SH3KBP1: variants seen among roughly 807,000 people sequenced by gnomAD.
SH3KBP1 encodes SH3 domain containing kinase binding protein 1, also known as SH3 domain-containing kinase-binding protein 1.
In SH3KBP1, 8 loss-of-function variants were observed where a neutral mutation model predicts 50.1. The ratio of observed to expected loss-of-function variants is 0.16; its 90% CI spans 0.09 to 0.29. SH3KBP1 has a LOEUF of 0.29. Ranked by LOEUF, SH3KBP1 falls within the 10% of genes least tolerant of loss-of-function variation. The pLI, the probability that SH3KBP1 is intolerant of heterozygous loss-of-function variation, is 1.00. For missense variants in SH3KBP1, 377 were observed against 535.2 expected, an observed-to-expected ratio of 0.70 and a Z score of 2.92; for synonymous variants, 227 against 218.6, an observed-to-expected ratio of 1.04 and a Z score of -0.34.
chrX:19,723,537 C>T (rs1351067034), intron 3 of SH3KBP1, among the ~76,000 whole-genome samples: 1 of 112,112 alleles, frequency 8.9e-6, no homozygotes, highest in Non-Finnish European at 1.9e-5. Context: ...TCTTTATGAT[C>T]AAATGACTAT....
At chrX:19,556,915 T>A (rs2065507769) in intron 13 of SH3KBP1, among the ~76,000 whole-genome samples, 1 of 111,743 alleles carries the variant, frequency 8.9e-6, no homozygotes, top group African/African-American at 3.3e-5. Context: ...CAAGCAATCC[T>A]CCTGCCTCAG....
chrX:19,704,364 C>G (rs773333589), intron 4 of SH3KBP1, among the ~76,000 whole-genome samples: 1 of 112,224 alleles, frequency 8.9e-6, no homozygotes, highest in African/African-American at 3.2e-5. Flanking sequence ...AATAGGCAGG[C>G]AAAAGTGGGC....
intron 7 of SH3KBP1, among the ~76,000 whole-genome samples, chrX:19,643,354 C>T (rs1304842928): frequency 1.2e-5 from 1 of 85,077 alleles, no homozygotes; most frequent in East Asian, 3.5e-4. Flanking sequence ...GGGTCTCACT[C>T]TGCCACCCTG....
intron 11 of SH3KBP1, among the ~76,000 whole-genome samples, chrX:19,589,147 T>C (rs1421915643): frequency 8.9e-6 from 1 of 112,761 alleles, no homozygotes; most frequent in Admixed American, 9.3e-5. Context: ...ACTTCCTTCC[T>C]TCCTCACCTG....
chrX:19,843,805 A>C lies in SH3KBP1; in HGVS notation c.5-7523T>G, dbSNP rs899747505. On this transcript the variant is annotated intron_variant, in intron 1 of 17. Transcript: ENST00000397821. The stretch of plus-strand genomic sequence containing the variant: ...GCAGAAAAGAGATGAATCAAGAAAG[A>C]AGAGAAAAAACAAACCCGGCTGTGT... Among the ~76,000 whole-genome samples the C allele has an allele frequency of 1.3e-4, 15 of 111,576 alleles. No homozygotes were observed. In the Admixed American group the frequency reaches 1.4e-3, roughly 11 times the overall value.
At chrX:19,678,266 A>G (rs1039704187) in intron 6 of SH3KBP1, among the ~76,000 whole-genome samples, 1 of 111,660 alleles carries the variant, frequency 9.0e-6, no homozygotes, top group Non-Finnish European at 1.9e-5. Context: ...AGAGGGATAT[A>G]CCATGTTCAT....
chrX:19,756,103 A>T (rs917770031), intron 2 of SH3KBP1, among the ~76,000 whole-genome samples: 4 of 110,960 alleles, frequency 3.6e-5, no homozygotes, highest in Admixed American at 1.9e-4. Context: ...CTGGTACAAC[A>T]AGAGAAATGA....
At chrX:19,744,970 A>G (rs2064874117) in intron 3 of SH3KBP1, among the ~76,000 whole-genome samples, 1 of 112,589 alleles carries the variant, frequency 8.9e-6, no homozygotes, top group South Asian at 3.6e-4. Flanking sequence ...CCGCTGGTCA[A>G]CATGCGTGCA....
chrX:19,563,184 G>A (rs751986520), intron 13 of SH3KBP1, among the ~76,000 whole-genome samples: 10 of 112,115 alleles, frequency 8.9e-5, no homozygotes, highest in Non-Finnish European at 1.5e-4. Context: ...TGAGCACCTC[G>A]GTTCTGGTGA....
chrX:19,573,545 C>A (rs1003929772), intron 12 of SH3KBP1, among the ~76,000 whole-genome samples: 1 of 111,968 alleles, frequency 8.9e-6, no homozygotes, highest in African/African-American at 3.2e-5. Context: ...CCTTGGCCTC[C>A]CAAAGTGCTA....
intron 6 of SH3KBP1, among the ~76,000 whole-genome samples, chrX:19,669,467 C>T (rs2062728735): frequency 1.8e-5 from 2 of 110,469 alleles, no homozygotes; most frequent in African/African-American, 3.3e-5. Flanking sequence ...CAAGGCAAAA[C>T]CTGTCAGGCC....
intron 13 of SH3KBP1, among the ~76,000 whole-genome samples, chrX:19,552,224 C>T (rs2065262810): frequency 8.9e-6 from 1 of 112,099 alleles, no homozygotes; most frequent in Non-Finnish European, 1.9e-5. Flanking sequence ...TTTCCCCCTC[C>T]TATGTTTTAC....
intron 7 of SH3KBP1, among the ~76,000 whole-genome samples, chrX:19,636,130 GAC>G (rs776176476): frequency 9.1e-6 from 1 of 109,919 alleles, no homozygotes; most frequent in Non-Finnish European, 1.9e-5. Flanking sequence ...GGAATGAATA[GAC>G]ACACACACAT....
chrX:19,652,987 GT>G (rs971415357), intron 6 of SH3KBP1, among the ~76,000 whole-genome samples: 1 of 110,528 alleles, frequency 9.0e-6, no homozygotes, highest in African/African-American at 3.3e-5. Flanking sequence ...GTTGTTGTTG[GT>G]TTTTTTTTGT....
intron 2 of SH3KBP1, among the ~76,000 whole-genome samples, chrX:19,774,694 G>GAA (rs1556362079): frequency 2.0e-5 from 2 of 97,592 alleles, no homozygotes; most frequent in African/African-American, 8.4e-5. Flanking sequence ...AAGAAAGAAA[G>GAA]AAAGAAAGAA....
At chrX:19,756,754 G>T (rs2065220291) in intron 2 of SH3KBP1, among the ~76,000 whole-genome samples, 1 of 110,599 alleles carries the variant, frequency 9.0e-6, no homozygotes, top group South Asian at 3.8e-4. Flanking sequence ...GAACATAAAT[G>T]TGTATCAGTA....
chrX:19,663,638 C>A (rs1602902958), intron 6 of SH3KBP1, among the ~76,000 whole-genome samples: 2 of 112,121 alleles, frequency 1.8e-5, no homozygotes, highest in Middle Eastern at 4.6e-3. Flanking sequence ...CTATTTCAGA[C>A]ATATAGGTTT....
chrX:19,737,535 G>A (rs1473524003), intron 3 of SH3KBP1, among the ~76,000 whole-genome samples: 1 of 111,865 alleles, frequency 8.9e-6, no homozygotes, highest in East Asian at 2.8e-4. Context: ...AACGTTCAGT[G>A]TTTTAATGGC....
chrX:19,629,707 G>C (rs2061534001), intron 8 of SH3KBP1, among the ~76,000 whole-genome samples: 1 of 112,352 alleles, frequency 8.9e-6, no homozygotes, highest in South Asian at 3.7e-4. Flanking sequence ...GAGAACTCTA[G>C]GCCTGAGGAG....
Sources: gnomAD v4.1 joint callset for allele counts (sites outside exome capture counted in the v4.1 genomes callset) on GRCh38, gnomAD v4.1.1 for gene constraint, MANE v1.5 for transcripts, NCBI Gene and HGNC (gene_info 2026-07-23, HGNC 2026-07-21) for gene names.